The following NAPB variants were observed in gnomAD, a reference collection of about 807,000 sequenced individuals.
NAPB encodes NSF attachment protein beta, also known as beta-soluble NSF attachment protein.
A neutral mutation model predicts 44.7 loss-of-function variants in NAPB; 26 were observed. The observed-to-expected ratio is 0.58, with a 90% CI of 0.43 to 0.81. NAPB has a LOEUF of 0.81. Among genes scored for constraint, NAPB ranks in the 30% least tolerant of loss-of-function variants. NAPB has a pLI of 0.00. For synonymous variants in NAPB, 120 were observed against 116.8 expected (o/e 1.03, Z -0.18); for missense variants, 315 against 356.4 (o/e 0.88, Z 0.94).
rs533474019 is a variant in NAPB at position 23,391,410 on chromosome 20, GCA to G, written c.421-1148_421-1147del. Among the ~76,000 whole-genome samples the G allele has an allele frequency of 2.6e-5, 4 of 152,300 alleles. No individual in the cohort carries two copies. The East Asian group carries it at 7.7e-4, about 29-fold the overall frequency. On this transcript the variant is annotated intron_variant, in intron 5 of 10. Coordinates refer to ENST00000377026, the MANE Select transcript of NAPB (RefSeq NM_022080.3). ...ATGATAGTGTGTGCTGCTGTTTTTA[GCA>G]CAGTTTTGTAAGAGCTGAACTCTGC...
chr20:23,381,383 A>C, intron 7 of NAPB, 66 bp from the exon 8 acceptor site: 26 of 960,740 alleles, frequency 2.7e-5, no homozygotes, highest in Non-Finnish European at 4.0e-5. Flanking sequence ...AGTCATTCTC[A>C]TCTGTTGTCC....
At chr20:23,378,567 G>C (rs926553925) in intron 10 of NAPB, among the ~76,000 whole-genome samples, 1 of 149,796 alleles carries the variant, frequency 6.7e-6, no homozygotes, top group Admixed American at 6.6e-5. Flanking sequence ...TCAGCCTCCC[G>C]AGTAGCTGGT....
intron 5 of NAPB, among the ~76,000 whole-genome samples, chr20:23,392,221 A>G (rs1314796056): frequency 6.6e-6 from 1 of 152,226 alleles, no homozygotes; most frequent in Non-Finnish European, 1.5e-5. Flanking sequence ...GTAATCTCAC[A>G]TGTGTGTACA....
intron 5 of NAPB, among the ~76,000 whole-genome samples, chr20:23,392,514 A>C (rs1984039430): frequency 6.6e-6 from 1 of 152,028 alleles, no homozygotes; most frequent in African/African-American, 2.4e-5. Context: ...AAAAATTAAA[A>C]AATTAGCCGG....
Position 23,390,189 on chromosome 20 carries a change from T to C in NAPB, c.476+20A>G. 1.3e-6 allele frequency: 2 copies of C among 1,589,582 alleles called. No individual in the cohort carries two copies. Among genetic ancestry groups the C allele is most frequent in the East Asian group, 2.2e-5 (1 of 44,756 alleles). On this transcript the variant is annotated intron_variant, in intron 6 of 10. Transcript: ENST00000377026. ...ACATAATAAAACCCATTAAATCATA[T>C]TAAGAAAAGTAATACTTGCCTGTTG... is the stretch of plus-strand genomic sequence containing the variant.
At chr20:23,383,970 C>T (rs938775797) in intron 7 of NAPB, among the ~76,000 whole-genome samples, 22 of 152,110 alleles carry the variant, frequency 1.4e-4, no homozygotes, top group Non-Finnish European at 3.2e-4. Flanking sequence ...ATGATGACAC[C>T]AACCTACAGC....
intron 7 of NAPB, among the ~76,000 whole-genome samples, chr20:23,384,936 T>G (rs1983357522): frequency 6.6e-6 from 1 of 151,990 alleles, no homozygotes; most frequent in Admixed American, 6.5e-5. Flanking sequence ...CTGGCCAACA[T>G]GGTGAAATCC....
intron 3 of NAPB, 88 bp downstream of exon 3, chr20:23,396,984 G>A (rs1984413476): frequency 2.3e-6 from 3 of 1,302,074 alleles, no homozygotes; most frequent in Non-Finnish European, 2.0e-6. Flanking sequence ...GGACTTGAAA[G>A]CACACCAACA....
chr20:23,406,583 C>T (rs569508533), intron 1 of NAPB, among the ~76,000 whole-genome samples: 1 of 152,114 alleles, frequency 6.6e-6, no homozygotes, highest in Admixed American at 6.5e-5. Flanking sequence ...TCAGAATAAG[C>T]TACAGCTTTC....
intron 7 of NAPB, among the ~76,000 whole-genome samples, chr20:23,382,953 A>G (rs1351453107): frequency 2.0e-4 from 30 of 151,958 alleles, no homozygotes; most frequent in Admixed American, 2.0e-3. Flanking sequence ...TCAAGAGTTC[A>G]AGACCAGCCT....
chr20:23,394,104 C>T (rs1169473782), intron 5 of NAPB, among the ~76,000 whole-genome samples: 1 of 152,152 alleles, frequency 6.6e-6, no homozygotes, highest in Non-Finnish European at 1.5e-5. Flanking sequence ...CCAGCTGTTC[C>T]TCTTAGTGAA....
chr20:23,389,799 A>T (rs1259181869), intron 7 of NAPB, 147 bp downstream of exon 7: 6 of 637,102 alleles, frequency 9.4e-6, no homozygotes, highest in Non-Finnish European at 1.7e-5. Context: ...GGTGATAGTT[A>T]TACAACTTTG....
intron 1 of NAPB, among the ~76,000 whole-genome samples, chr20:23,416,023 G>A (rs1486262275): frequency 3.3e-5 from 5 of 152,094 alleles, no homozygotes; most frequent in Admixed American, 3.3e-4. Flanking sequence ...CCTTTACTTG[G>A]TATAGCTTTG....
At position 23,421,471 on chromosome 20, in the gene NAPB, T is replaced by A. The variant is rs964883264; in HGVS notation, c.-69A>T. The A allele has an allele frequency of 2.8e-6, 4 of 1,405,220 alleles. No individual in the cohort carries two copies. In the African/African-American group the frequency reaches 6.0e-5, roughly 21 times the overall value. 87.0% of individuals were successfully genotyped at this position (1,405,220 alleles called of 1,614,324 possible). ...TGCGCCCAGGCGCCTTAACCCTCCC[T>A]CTGGCGGCCGCAGGGACGCAGGCGC... is the stretch of plus-strand genomic sequence containing the variant. On this transcript the variant is annotated 5_prime_UTR_variant, in exon 1 of 11. Transcript: ENST00000377026.
At chr20:23,404,069 C>A (rs989104167) in intron 1 of NAPB, among the ~76,000 whole-genome samples, 7 of 152,174 alleles carry the variant, frequency 4.6e-5, no homozygotes, top group African/African-American at 1.7e-4. Flanking sequence ...CAGCTGATTC[C>A]ACTGAGGGAC....
chr20:23,402,346 G>A (rs568240283), intron 2 of NAPB, among the ~76,000 whole-genome samples: 1 of 152,196 alleles, frequency 6.6e-6, no homozygotes, highest in East Asian at 1.9e-4. Flanking sequence ...TTCGCTGAAG[G>A]GAGAGGGATG....
chr20:23,421,288 C>A lies in NAPB; in HGVS notation c.98+17G>T, dbSNP rs1367382719. 2 of 1,539,788 alleles carry A rather than the reference C, an allele frequency of 1.3e-6. No individual in the cohort carries two copies. The highest frequency in any genetic ancestry group is 1.2e-5 in the South Asian group (1 of 83,712). The stretch of plus-strand genomic sequence containing the variant: ...GGAGACCCCCCCCCCCCAGGGCACG[C>A]ACGGTCTGGCGCTCACCCAAACAGC... On this transcript the variant is annotated intron_variant, in intron 1 of 10. Transcript: ENST00000377026.
chr20:23,417,626 C>G (rs958827059), intron 1 of NAPB, among the ~76,000 whole-genome samples: 1 of 152,112 alleles, frequency 6.6e-6, no homozygotes, highest in African/African-American at 2.4e-5. Flanking sequence ...AAGGACAAGA[C>G]AACTCCTTTG....
At chr20:23,390,410 G>T in intron 5 of NAPB, 146 bp from the exon 6 acceptor site, 1 of 677,312 alleles carries the variant, frequency 1.5e-6, no homozygotes. Flanking sequence ...GGAAATACAA[G>T]AAAGCATGCA....
Sources: allele counts gnomAD v4.1 joint callset (sites outside exome capture counted in the v4.1 genomes callset), GRCh38; gene constraint gnomAD v4.1.1; transcripts MANE v1.5; gene names NCBI Gene and HGNC (gene_info 2026-07-23, HGNC 2026-07-21).